Variants in TMEM132D observed in about 807,000 individuals in gnomAD.
TMEM132D encodes the protein transmembrane protein 132D.
Under a neutral mutation model 62.3 loss-of-function variants are expected in TMEM132D, and 21 were observed. The observed-to-expected ratio is 0.34, with a 90% confidence interval of 0.24 to 0.49. TMEM132D has a LOEUF of 0.49. Among genes scored for constraint, TMEM132D ranks in the 20% least tolerant of loss-of-function variants. The pLI is 0.99. For synonymous variants in TMEM132D, 621 were observed against 575.6 expected, an observed-to-expected ratio of 1.08 and a Z score of -1.13; for missense variants, 1,346 against 1,402.8, an observed-to-expected ratio of 0.96 and a Z score of 0.65.
chr12:129,452,299 T>C lies in TMEM132D; in HGVS notation c.1115+78760A>G, dbSNP rs565513757. ...TCTCTGTTAATTGTGAGGACCACTA[T>C]GAACGTACTTGGGTTTGGCAAACAT... On this transcript the variant is annotated intron_variant, in intron 3 of 8. Coordinates refer to ENST00000422113, the MANE Select transcript of TMEM132D (RefSeq NM_133448.3). Among the ~76,000 whole-genome samples, 6 of 152,340 alleles carry C rather than the reference T, an allele frequency of 3.9e-5. No homozygotes were observed. In the South Asian group the frequency reaches 6.2e-4, roughly 16 times the overall value.
At chr12:129,748,026 C>A (rs1294472739) in intron 1 of TMEM132D, among the ~76,000 whole-genome samples, 1 of 152,170 alleles carries the variant, frequency 6.6e-6, no homozygotes, top group East Asian at 1.9e-4. Context: ...GCAGGCAAGA[C>A]CCTGTTTTCT....
chr12:129,185,507 G>A (rs1878194132), intron 5 of TMEM132D, among the ~76,000 whole-genome samples: 1 of 151,722 alleles, frequency 6.6e-6, no homozygotes, highest in East Asian at 1.9e-4. Context: ...AACAGAAGAT[G>A]ATTTGTTCTT....
chr12:129,539,406 T>G (rs1162128565), intron 2 of TMEM132D, among the ~76,000 whole-genome samples: 2 of 31,472 alleles, frequency 6.4e-5, no homozygotes, highest in Non-Finnish European at 1.3e-4. Context: ...TAATTTTTTC[T>G]TTTTTTTTTT....
chr12:129,675,792 C>G (rs1415097459), intron 2 of TMEM132D, among the ~76,000 whole-genome samples: 1 of 152,148 alleles, frequency 6.6e-6, no homozygotes, highest in African/African-American at 2.4e-5. Context: ...ACAGACACAA[C>G]CAGGAATTAT....
intron 5 of TMEM132D, among the ~76,000 whole-genome samples, chr12:129,133,417 A>G (rs1171970705): frequency 1.3e-5 from 2 of 152,260 alleles, no homozygotes; most frequent in African/African-American, 4.8e-5. Context: ...CAGCCTTAAA[A>G]AAGTAGGAAC....
intron 3 of TMEM132D, among the ~76,000 whole-genome samples, chr12:129,366,969 G>A (rs905186410): frequency 4.6e-5 from 7 of 152,194 alleles, no homozygotes; most frequent in Admixed American, 3.3e-4. Context: ...CTGCAGTCCC[G>A]GAGGAAGCAC....
chr12:129,622,525 C>G (rs1879101105), intron 2 of TMEM132D, among the ~76,000 whole-genome samples: 2 of 152,190 alleles, frequency 1.3e-5, no homozygotes, highest in Admixed American at 6.5e-5. Flanking sequence ...TCTAACTTCT[C>G]TACATATAGA....
chr12:129,432,119 ATAGG>A (rs1172039408), intron 3 of TMEM132D, among the ~76,000 whole-genome samples: 207 of 144,278 alleles, frequency 1.4e-3, no homozygotes, highest in African/African-American at 5.2e-3. Context: ...GAATGGATGG[ATAGG>A]TGGATGGATG....
At chr12:129,605,587 T>TTTTATATATA (rs1555221320) in intron 2 of TMEM132D, among the ~76,000 whole-genome samples, 17 of 107,384 alleles carry the variant, frequency 1.6e-4, no homozygotes, top group African/African-American at 2.3e-4. Context: ...AAATTAGGCA[T>TTTTATATATA]TATATATATA....
intron 3 of TMEM132D, among the ~76,000 whole-genome samples, chr12:129,497,029 C>T (rs536983464): frequency 2.6e-4 from 40 of 152,244 alleles, no homozygotes; most frequent in African/African-American, 7.9e-4. Context: ...TATTGCTGGC[C>T]GGGCGCAGTG....
intron 1 of TMEM132D, among the ~76,000 whole-genome samples, chr12:129,774,787 A>C (rs2137285706): frequency 6.6e-6 from 1 of 152,342 alleles, no homozygotes; most frequent in African/African-American, 2.4e-5. Context: ...ATATGGCACC[A>C]AAACTGTCCC....
chr12:129,618,792 A>T (rs1878987258), intron 2 of TMEM132D, among the ~76,000 whole-genome samples: 1 of 152,224 alleles, frequency 6.6e-6, no homozygotes. Context: ...ACATAGCCTC[A>T]GGAGGTCCTG....
chr12:129,868,652 C>T (rs1238926484), intron 1 of TMEM132D, among the ~76,000 whole-genome samples: 3 of 152,182 alleles, frequency 2.0e-5, no homozygotes, highest in South Asian at 2.1e-4. Context: ...GCCATCTGCA[C>T]ATTCAGGTGC....
intron 2 of TMEM132D, among the ~76,000 whole-genome samples, chr12:129,626,896 C>T (rs1367304796): frequency 2.6e-5 from 4 of 152,148 alleles, no homozygotes; most frequent in African/African-American, 7.2e-5. Flanking sequence ...CAAAGTCCAT[C>T]GACTTGTAAG....
At chr12:129,794,111 T>A (rs942199332) in intron 1 of TMEM132D, among the ~76,000 whole-genome samples, 2 of 150,744 alleles carry the variant, frequency 1.3e-5, no homozygotes, top group African/African-American at 4.9e-5. Context: ...TTTTTTGAGA[T>A]GGAATCTTGC....
chr12:129,075,606 G>A (rs960140060), intron 8 of TMEM132D, among the ~76,000 whole-genome samples: 1 of 152,202 alleles, frequency 6.6e-6, no homozygotes, highest in Non-Finnish European at 1.5e-5. Context: ...CCTTTTCTGG[G>A]TCTGCAGGAG....
chr12:129,651,160 T>A (rs1203697741), intron 2 of TMEM132D, among the ~76,000 whole-genome samples: 1 of 152,240 alleles, frequency 6.6e-6, no homozygotes, highest in African/African-American at 2.4e-5. Context: ...TGTTTGTGTG[T>A]GTGATCATTT....
At chr12:129,150,702 G>T (rs1164775550) in intron 5 of TMEM132D, among the ~76,000 whole-genome samples, 1 of 152,246 alleles carries the variant, frequency 6.6e-6, no homozygotes, top group Admixed American at 6.5e-5. Context: ...CACTGAAGAT[G>T]TGGCAGGTTC....
chr12:129,249,752 C>G lies in TMEM132D; in HGVS notation c.1300-40089G>C, dbSNP rs1053033168. Among the ~76,000 whole-genome samples, 14 of 152,140 alleles carry G rather than the reference C, an allele frequency of 9.2e-5. No homozygotes were observed. In the South Asian group the frequency reaches 2.9e-3, roughly 32 times the overall value. On this transcript the variant is annotated intron_variant, in intron 4 of 8. Coordinates refer to ENST00000422113, the MANE Select transcript of TMEM132D (RefSeq NM_133448.3). ...AGAAAAAGAGTTTAATTGAAAAGACCCCGAGTAGCTCACAGAATCGCTGTG... is the reference window on the plus strand; with the variant it reads ...AGAAAAAGAGTTTAATTGAAAAGACGCCGAGTAGCTCACAGAATCGCTGTG...
Sources: allele counts gnomAD v4.1 joint callset (sites outside exome capture counted in the v4.1 genomes callset), GRCh38; gene constraint gnomAD v4.1.1; transcripts MANE v1.5; gene names NCBI Gene and HGNC (gene_info 2026-07-23, HGNC 2026-07-21).